The following LRR1 variants were observed in gnomAD, a reference collection of about 807,000 sequenced individuals.
The protein encoded by LRR1 is leucine-rich repeat protein 1.
Under a neutral mutation model 31.6 loss-of-function variants are expected in LRR1, and 29 were observed. That is an observed-to-expected ratio of 0.92 (90% CI 0.68 to 1.25). The LOEUF (loss-of-function observed/expected upper bound fraction) is 1.25. Ranked by LOEUF, LRR1 falls within the 50% of genes most tolerant of loss-of-function variation. The pLI is 0.00. For missense variants in LRR1, 485 were observed against 487.2 expected (o/e 1.00, Z 0.04); for synonymous variants, 179 against 181.4 (o/e 0.99, Z 0.10).
intron 3 of LRR1, 113 bp downstream of exon 3, chr14:49,608,234 C>G (rs892674944): frequency 2.7e-6 from 3 of 1,129,798 alleles, no homozygotes; most frequent in East Asian, 2.6e-5. Flanking sequence ...CAGTCTGACC[C>G]TTTGCTATAA....
At chr14:49,610,558 G>A (rs867792756) in intron 3 of LRR1, among the ~76,000 whole-genome samples, 4 of 150,626 alleles carry the variant, frequency 2.7e-5, no homozygotes, top group Non-Finnish European at 5.9e-5. Flanking sequence ...CCCAGCCATT[G>A]TTCAGGTTGC....
At chr14:49,601,363 G>A (rs542187119) in intron 1 of LRR1, among the ~76,000 whole-genome samples, 2 of 152,110 alleles carry the variant, frequency 1.3e-5, no homozygotes, top group Admixed American at 6.6e-5. Flanking sequence ...TCATTGCTAT[G>A]TCCCAAGCCC....
intron 3 of LRR1, among the ~76,000 whole-genome samples, chr14:49,612,195 A>T (rs1359114049): frequency 6.6e-6 from 1 of 152,226 alleles, no homozygotes; most frequent in Non-Finnish European, 1.5e-5. Flanking sequence ...TATAGCATTT[A>T]TGTTGCTTTT....
At chr14:49,601,559 C>A in intron 1 of LRR1, 3 of 1,200,002 alleles carry the variant, frequency 2.5e-6, no homozygotes, top group South Asian at 2.5e-5. Flanking sequence ...GATAGAATAG[C>A]AAAGGAGACA....
At chr14:49,601,269 T>G in intron 1 of LRR1, 1 of 1,099,448 alleles carries the variant, frequency 9.1e-7, no homozygotes, top group Admixed American at 2.9e-5. Context: ...GTCTTGATAT[T>G]TGTTATGCTT....
chr14:49,601,659 T>C (rs1257406821), intron 1 of LRR1: 11 of 1,289,450 alleles, frequency 8.5e-6, no homozygotes, highest in Non-Finnish European at 1.1e-5. Context: ...GGCAAGTAAC[T>C]GCTATTGGCA....
Position 49,607,573 on chromosome 14 carries a change from T to G in LRR1, c.456T>G (p.Phe152Leu), listed in dbSNP as rs763415986. ...AAGACTATCCTCTAAGTAAGAATTT[T>G]CCATATTCCTTGGAACATCTTCAGA... is the stretch of plus-strand genomic sequence containing the variant. ...SKKDYPLSKNFPYSLEHLQTS... is the reference protein window; with the variant it reads ...SKKDYPLSKNLPYSLEHLQTS... Residue 152 changes from phenylalanine to leucine, a missense_variant, in exon 3 of 4, where the codon TTT (phenylalanine) becomes TTG (leucine). Phe to Leu is a conservative substitution (Grantham distance 22). Coordinates refer to ENST00000298288, the MANE Select transcript of LRR1 (RefSeq NM_152329.4). 5.8e-5 allele frequency: 93 copies of G among 1,614,094 alleles called. No homozygotes were observed. Among genetic ancestry groups the G allele is most frequent in the Middle Eastern group, 3.3e-4 (2 of 6,084 alleles).
In LRR1 at chr14:49,614,504, G is replaced by A; in HGVS notation, c.*8G>A. The A allele has an allele frequency of 6.2e-7, 1 of 1,613,022 alleles. No homozygotes were observed. The highest frequency in any genetic ancestry group is 8.5e-7 in the Non-Finnish European group (1 of 1,179,628). ...TCTGATATGTTAAAGTAATGGGTGA[G>A]ACCAGAAAAAGAAATTTCAATAACA... is the stretch of plus-strand genomic sequence containing the variant. On this transcript the variant is annotated 3_prime_UTR_variant, in exon 4 of 4. Transcript: ENST00000298288.
chr14:49,610,402 C>T (rs1359604809), intron 3 of LRR1, among the ~76,000 whole-genome samples: 2 of 151,268 alleles, frequency 1.3e-5, no homozygotes, highest in South Asian at 2.1e-4. Flanking sequence ...TACAGGCTCC[C>T]GCCACCACGG....
chr14:49,607,935 A>G lies in LRR1; in HGVS notation c.818A>G (p.Asn273Ser), dbSNP rs775234772. The part of the protein sequence containing the change: ...QFPCKIGQLI[N>S]LRFLSAARNK... ...CCTTGCAAGATAGGACAACTAATAA[A>G]CCTTCGCTTTTTGTCAGCAGCTCGA... Residue 273 changes from asparagine (N) to serine (S), a missense_variant, in exon 3 of 4, where the codon AAC becomes AGC. This residue lies in a region of LRR1 where 210 missense variants were observed against 200.4 expected (regional missense o/e 1.05). Coordinates refer to ENST00000298288, the MANE Select transcript of LRR1 (RefSeq NM_152329.4). The G allele has an allele frequency of 5.0e-6, 8 of 1,613,952 alleles. No homozygotes were observed. Among genetic ancestry groups the G allele is most frequent in the Non-Finnish European group, 6.8e-6 (8 of 1,179,960 alleles).
chr14:49,606,984 A>G (rs1882311059), intron 2 of LRR1, among the ~76,000 whole-genome samples: 1 of 151,796 alleles, frequency 6.6e-6, no homozygotes, highest in Non-Finnish European at 1.5e-5. Context: ...TGGAATAGTC[A>G]ATCATTTCCT....
At chr14:49,601,749 A>G (rs772878178) in intron 1 of LRR1, 84 of 1,195,398 alleles carry the variant, frequency 7.0e-5, no homozygotes, top group Non-Finnish European at 8.7e-5. Flanking sequence ...CTCAAAGGAG[A>G]GTTACTGGAC....
At position 49,614,408 on chromosome 14, in the gene LRR1, T is replaced by C. The variant is rs1882624024; in HGVS notation, c.1157T>C (p.Val386Ala). 1 of 1,613,932 alleles carries C rather than the reference T, an allele frequency of 6.2e-7. No individual in the cohort carries two copies. ...LHSVAHTVVL[V>A]DNLGGTEAPI... is the part of the protein sequence containing the mutation. ...TCTGTTGCCCACACTGTGGTCTTAG[T>C]AGATAATTTGGGTGGTACTGAAGCA... Residue 386 changes from valine to alanine, a missense_variant, in exon 4 of 4, where the codon GTA becomes GCA. By Grantham distance (64) the Val-to-Ala change is moderately conservative. Transcript: ENST00000298288.
intron 2 of LRR1, among the ~76,000 whole-genome samples, chr14:49,604,640 T>G (rs1291539795): frequency 1.3e-5 from 2 of 151,322 alleles, no homozygotes; most frequent in African/African-American, 2.4e-5. Context: ...TGCAGTGAAC[T>G]GTGATTGCAG....
At chr14:49,605,834 A>G (rs1882258691) in intron 2 of LRR1, among the ~76,000 whole-genome samples, 2 of 152,180 alleles carry the variant, frequency 1.3e-5, no homozygotes, top group Non-Finnish European at 2.9e-5. Flanking sequence ...GGTCTTCTCC[A>G]GACTTTTCCC....
intron 1 of LRR1, chr14:49,600,915 A>G: frequency 1.4e-6 from 2 of 1,475,606 alleles, no homozygotes; most frequent in South Asian, 1.3e-5. Flanking sequence ...CATAAAAAAC[A>G]GAGCTGTAGA....
At chr14:49,601,263 T>A (rs1234761354) in intron 1 of LRR1, 1 of 1,149,096 alleles carries the variant, frequency 8.7e-7, no homozygotes, top group Admixed American at 2.9e-5. Context: ...TGCCTTGTCT[T>A]GATATTTGTT....
At chr14:49,607,049 T>C (rs1882313894) in intron 2 of LRR1, among the ~76,000 whole-genome samples, 2 of 151,316 alleles carry the variant, frequency 1.3e-5, no homozygotes, top group Non-Finnish European at 3.0e-5. Flanking sequence ...TTTTTTTTTT[T>C]TGAGACAGTC....
chr14:49,611,709 G>A (rs767254772), intron 3 of LRR1, among the ~76,000 whole-genome samples: 4 of 152,144 alleles, frequency 2.6e-5, no homozygotes, highest in Non-Finnish European at 4.4e-5. Flanking sequence ...GATCACTTGA[G>A]GCCAGGAGTT....
Sources: allele counts gnomAD v4.1 joint callset (sites outside exome capture counted in the v4.1 genomes callset), GRCh38; gene constraint gnomAD v4.1.1; regional missense constraint gnomAD v4.1.1; transcripts MANE v1.5; gene names NCBI Gene and HGNC (gene_info 2026-07-23, HGNC 2026-07-21).